The following NBAS variants were observed in gnomAD, a reference collection of about 807,000 sequenced individuals.
NBAS encodes NAG/BC035112 fusion.
NBAS carries 219 observed loss-of-function variants against 302.5 expected under a neutral mutation model. The observed-to-expected ratio is 0.72, with a 90% CI of 0.65 to 0.81. The LOEUF (loss-of-function observed/expected upper bound fraction) is 0.81. Ranked by LOEUF, NBAS falls within the 30% of genes least tolerant of loss-of-function variation. NBAS has a pLI of 0.00. For synonymous variants in NBAS, 1,118 were observed against 1,021.6 expected (o/e 1.09, Z -1.80); for missense variants, 2,932 against 2,841.6 (o/e 1.03, Z -0.72).
the NBAS span, among the ~76,000 whole-genome samples, chr2:15,126,062 G>C: frequency 1.1e-4 from 16 of 152,146 alleles, no homozygotes; most frequent in Non-Finnish European, 1.8e-4. Flanking sequence ...GGTGGGAGGT[G>C]TTTTGGATTC....
At chr2:15,052,447 C>T in the NBAS span, among the ~76,000 whole-genome samples, 14 of 152,318 alleles carry the variant, frequency 9.2e-5, 1 homozygote, top group South Asian at 6.2e-4. Flanking sequence ...GAACACTCCA[C>T]GGTATAGGCT....
chr2:15,280,061 C>G (rs955603121), intron 42 of NBAS, among the ~76,000 whole-genome samples: 11 of 152,098 alleles, frequency 7.2e-5, no homozygotes, highest in Admixed American at 2.0e-4. Flanking sequence ...ATACATAGTG[C>G]ATATTTAACT....
chr2:15,086,068 T>C, the NBAS span, among the ~76,000 whole-genome samples: 10 of 152,154 alleles, frequency 6.6e-5, 1 homozygote, highest in South Asian at 1.5e-3. Flanking sequence ...GGGACAGGTT[T>C]CCAGTCCCAC....
At chr2:15,134,479 T>C in the NBAS span, among the ~76,000 whole-genome samples, 1 of 152,108 alleles carries the variant, frequency 6.6e-6, no homozygotes, top group Non-Finnish European at 1.5e-5. Flanking sequence ...TCTGTCTCTC[T>C]CTCACACACA....
chr2:15,468,469 T>C lies in NBAS; in HGVS notation c.1790A>G (p.Asp597Gly), dbSNP rs781534977. The change falls in exon 17 of 52, where the codon GAT (aspartate) becomes GGT (glycine). Residue 597 changes from aspartate (D) to glycine (G), a missense_variant. By Grantham distance (94) the Asp-to-Gly change is moderately conservative (BLOSUM62 -1). Transcript: ENST00000281513. ...ATACTGAAGCAGTTCTTTTGCAGCATCCACATTTTCAGGAACTCTTTCCAA... is the reference window on the plus strand; with the variant it reads ...ATACTGAAGCAGTTCTTTTGCAGCACCCACATTTTCAGGAACTCTTTCCAA... ...ECLERVPENV[D>G]AAKELLQYGL... The C allele has an allele frequency of 1.2e-6, 2 of 1,614,104 alleles. No individual in the cohort carries two copies. The highest frequency in any genetic ancestry group is 2.2e-5 in the East Asian group (1 of 44,880).
At chr2:15,277,386 G>A (rs1669635004) in intron 42 of NBAS, among the ~76,000 whole-genome samples, 1 of 152,178 alleles carries the variant, frequency 6.6e-6, no homozygotes, top group African/African-American at 2.4e-5. Context: ...TGGGAGAGCT[G>A]TCTGATGTCT....
At chr2:15,211,900 A>G (rs150639367) in intron 48 of NBAS, among the ~76,000 whole-genome samples, 74 of 152,318 alleles carry the variant, frequency 4.9e-4, no homozygotes, top group Non-Finnish European at 9.0e-4. Flanking sequence ...GAGCGTCCCT[A>G]TATCTCCACT....
At chr2:15,280,402 G>A (rs1206016497) in intron 42 of NBAS, among the ~76,000 whole-genome samples, 2 of 152,004 alleles carry the variant, frequency 1.3e-5, no homozygotes, top group Non-Finnish European at 2.9e-5. Context: ...GCCGGGAGAG[G>A]GGGAAGAGAG....
the NBAS span, among the ~76,000 whole-genome samples, chr2:15,019,643 A>C: frequency 6.6e-6 from 1 of 152,174 alleles, no homozygotes; most frequent in South Asian, 2.1e-4. Flanking sequence ...GTGTTCCTCC[A>C]AAACTGATAT....
chr2:14,943,016 TA>T, the NBAS span, among the ~76,000 whole-genome samples: 1 of 152,254 alleles, frequency 6.6e-6, no homozygotes, highest in African/African-American at 2.4e-5. Flanking sequence ...TGGGTCTCCT[TA>T]TGGTTTTATT....
chr2:15,449,110 T>G (rs1678887447), intron 21 of NBAS, among the ~76,000 whole-genome samples: 1 of 151,874 alleles, frequency 6.6e-6, no homozygotes, highest in Non-Finnish European at 1.5e-5. Flanking sequence ...ACACATTAGT[T>G]TAAAAAAAAG....
chr2:15,399,804 TA>T (rs10719272), intron 26 of NBAS, among the ~76,000 whole-genome samples: 94,012 of 151,776 alleles, frequency 0.62, 29,921 homozygotes, highest in Middle Eastern at 0.68. Context: ...AAATCTTCTT[TA>T]AAAAAAATCC....
At chr2:15,247,870 AC>A (rs1318670637) in intron 44 of NBAS, among the ~76,000 whole-genome samples, 1 of 151,952 alleles carries the variant, frequency 6.6e-6, no homozygotes, top group Non-Finnish European at 1.5e-5. Flanking sequence ...AGACTTTAAC[AC>A]CCCACTGTCA....
Position 15,380,112 on chromosome 2 carries a change from C to T in NBAS, c.3361-281G>A, listed in dbSNP as rs184760777. Reference sequence around the variant, plus strand: ...TTAAGCATAATATTTTAATTTATTACAATAAATACTTGGGTCAAGTATCCA... The same window carrying T: ...TTAAGCATAATATTTTAATTTATTATAATAAATACTTGGGTCAAGTATCCA... On this transcript the variant is annotated intron_variant, in intron 29 of 51. Coordinates refer to ENST00000281513, the MANE Select transcript of NBAS (RefSeq NM_015909.4). Among the ~76,000 whole-genome samples, 884 of 152,220 alleles carry T rather than the reference C, an allele frequency of 5.8e-3. 3 individuals carry two copies. The highest frequency in any genetic ancestry group is 8.2e-3 in the Non-Finnish European group (561 of 68,020).
chr2:15,038,144 G>A, the NBAS span, among the ~76,000 whole-genome samples: 1 of 90,986 alleles, frequency 1.1e-5, no homozygotes, highest in African/African-American at 4.7e-5. Flanking sequence ...ATGTAGTCTT[G>A]CTCTGCCGCC....
At chr2:15,534,324 T>C (rs140706449) in intron 9 of NBAS, among the ~76,000 whole-genome samples, 65 of 152,318 alleles carry the variant, frequency 4.3e-4, no homozygotes, top group African/African-American at 1.3e-3. Flanking sequence ...AAATTCCTCA[T>C]TGAATATTCC....
At chr2:15,265,002 T>G (rs1400646486) in intron 44 of NBAS, among the ~76,000 whole-genome samples, 2 of 152,186 alleles carry the variant, frequency 1.3e-5, no homozygotes, top group African/African-American at 4.8e-5. Context: ...TTCACAAGTA[T>G]TCATCGGCTT....
chr2:14,930,570 T>G, the NBAS span, among the ~76,000 whole-genome samples: 1 of 152,218 alleles, frequency 6.6e-6, no homozygotes, highest in Non-Finnish European at 1.5e-5. Flanking sequence ...GTTTTCTGCT[T>G]ACACCCTCCT....
chr2:15,505,629 C>T (rs1661809640), intron 10 of NBAS, among the ~76,000 whole-genome samples: 2 of 152,136 alleles, frequency 1.3e-5, no homozygotes, highest in Non-Finnish European at 2.9e-5. Context: ...AAAGAAGGCA[C>T]CGTTAACCTA....
Sources: gnomAD v4.1 joint callset for allele counts (sites outside exome capture counted in the v4.1 genomes callset) on GRCh38, gnomAD v4.1.1 for gene constraint, MANE v1.5 for transcripts, NCBI Gene and HGNC (gene_info 2026-07-23, HGNC 2026-07-21) for gene names.